Variants in PLXDC1 observed in about 807,000 individuals in gnomAD.
The protein encoded by PLXDC1 is plexin domain-containing protein 1.
In PLXDC1, 39 loss-of-function variants were observed where a neutral mutation model predicts 61.3. The observed-to-expected ratio is 0.64, with a 90% CI of 0.49 to 0.83. The LOEUF (loss-of-function observed/expected upper bound fraction) is 0.83, where lower values mean the gene tolerates loss of function less well. PLXDC1 is among the 40% of genes least tolerant of loss of function. The pLI, the probability that PLXDC1 is intolerant of heterozygous loss-of-function variation, is 0.00. For missense variants in PLXDC1, 596 were observed against 666.5 expected (o/e 0.89, Z 1.17); for synonymous variants, 212 against 254.5 (o/e 0.83, Z 1.59).
intron 7 of PLXDC1, among the ~76,000 whole-genome samples, chr17:39,093,095 G>A (rs1472290930): frequency 6.6e-6 from 1 of 152,192 alleles, no homozygotes; most frequent in Admixed American, 6.5e-5. Context: ...TCGAGACAGG[G>A]TCTCACTCTG....
At chr17:39,076,508 CAAAAAAAA>C (rs34943653) in intron 11 of PLXDC1, among the ~76,000 whole-genome samples, 1 of 85,088 alleles carries the variant, frequency 1.2e-5, no homozygotes, top group Non-Finnish European at 2.6e-5. Context: ...GACCCTGTCT[CAAAAAAAA>C]AAAAAAAAAT....
intron 2 of PLXDC1, among the ~76,000 whole-genome samples, chr17:39,115,624 A>G (rs950855570): frequency 6.6e-6 from 1 of 152,140 alleles, no homozygotes; most frequent in Non-Finnish European, 1.5e-5. Flanking sequence ...TTGCAGGGGG[A>G]TCACTCCTGG....
chr17:39,109,371 A>G lies in PLXDC1; in HGVS notation c.276T>C (p.Tyr92=), dbSNP rs1226409984. 1 of 1,599,648 alleles carries G rather than the reference A, an allele frequency of 6.3e-7. No individual in the cohort carries two copies. Among genetic ancestry groups the G allele is most frequent in the Non-Finnish European group, 8.5e-7 (1 of 1,174,062 alleles). ...CGCTGGGGCCATAGAGACGGGACAC[A>G]TAATAGCTGTGGTTGTCCTCCTGCC... ...TRVVEDNHSY[Y]VSRLYGPSEP... is the part of the protein sequence containing the mutation. The change falls in exon 3 of 14, where the codon TAT becomes TAC. Residue 92 remains tyrosine, a synonymous_variant. Transcript: ENST00000315392.
At chr17:39,089,085 G>C (rs920688702) in intron 7 of PLXDC1, among the ~76,000 whole-genome samples, 8 of 152,100 alleles carry the variant, frequency 5.3e-5, no homozygotes, top group African/African-American at 1.9e-4. Context: ...ATTGAGCTTT[G>C]AGAATGAGTT....
intron 2 of PLXDC1, chr17:39,131,897 T>C (rs1371005094): frequency 6.5e-6 from 1 of 152,674 alleles, no homozygotes; most frequent in East Asian, 1.9e-4. Flanking sequence ...GCTGCCTCCT[T>C]TGGAAGGTTG....
In PLXDC1 at chr17:39,063,353, A is replaced by C; in HGVS notation, c.*4487T>G. On this transcript the variant is annotated 3_prime_UTR_variant, in exon 14 of 14. Coordinates refer to ENST00000315392, the MANE Select transcript of PLXDC1 (RefSeq NM_020405.5). ...ATTGTATGTCCTCAGACAGTAGATA[A>C]AAATGCATGGGGTTTACTTCCAGGG... 1 of 646,684 alleles carries C rather than the reference A, an allele frequency of 1.5e-6. No individual in the cohort carries two copies. Among genetic ancestry groups the C allele is most frequent in the South Asian group, 1.7e-5 (1 of 57,560 alleles). 40.1% of individuals were successfully genotyped at this position (646,684 alleles called of 1,614,324 possible).
At position 39,097,669 on chromosome 17, in the gene PLXDC1, C is replaced by A. The variant is rs569637377; in HGVS notation, c.811+8185G>T. Among the ~76,000 whole-genome samples the A allele has an allele frequency of 6.7e-4, 101 of 151,114 alleles. 2 individuals are homozygous for A. In the South Asian group the frequency reaches 0.01, roughly 15 times the overall value. ...GGCCAAAGCCAGAGCATGGCTTGAGCGTAAGAATTCAATACCACCCTATTT... is the reference window on the plus strand; with the variant it reads ...GGCCAAAGCCAGAGCATGGCTTGAGAGTAAGAATTCAATACCACCCTATTT... On this transcript the variant is annotated intron_variant, in intron 7 of 13. Transcript: ENST00000315392.
chr17:39,104,336 G>A (rs1370880580), intron 7 of PLXDC1, among the ~76,000 whole-genome samples: 2 of 152,126 alleles, frequency 1.3e-5, no homozygotes, highest in Middle Eastern at 3.2e-3. Flanking sequence ...CAGGCTTCCA[G>A]TTCCAGAGCT....
Position 39,128,067 on chromosome 17 carries a change from GTCTCTCTCTC to G in PLXDC1, c.255+11577_255+11586del, listed in dbSNP as rs376740692. Among the ~76,000 whole-genome samples the G allele has an allele frequency of 1.2e-3, 92 of 78,536 alleles. 3 individuals carry two copies. Among genetic ancestry groups the G allele is most frequent in the African/African-American group, 4.2e-3 (78 of 18,442 alleles). 51.5% of individuals were successfully genotyped at this position (78,536 alleles called of 152,430 possible). ...CAGCTCTCTCTCTCTCTCTCTCTCT[GTCTCTCTCTC>G]TCTCTCTCTCTCTCTATGTGTATAT... On this transcript the variant is annotated intron_variant, in intron 2 of 13. Coordinates refer to ENST00000315392, the MANE Select transcript of PLXDC1 (RefSeq NM_020405.5).
At chr17:39,140,597 G>A (rs1175139654) in intron 1 of PLXDC1, among the ~76,000 whole-genome samples, 3 of 152,228 alleles carry the variant, frequency 2.0e-5, no homozygotes, top group Non-Finnish European at 4.4e-5. Context: ...GAGCCACCGC[G>A]CCTAGCCTCG....
rs1262053211 is a variant in PLXDC1, at chr17:39,063,688, T to C, written c.*4152A>G. The C allele has an allele frequency of 5.5e-6, 3 of 546,748 alleles. No homozygotes were observed. The highest frequency in any genetic ancestry group is 3.8e-5 in the African/African-American group (2 of 52,582). The allele number at this position is 546,748 out of a possible 1,614,324, so 33.9% of individuals were successfully genotyped here. A position where few individuals can be genotyped will look rare whatever the true frequency, so the allele number is the denominator to read the frequency against. ...AGTTTACACTAAACACATGAATACATTGTGTTTTAGAAGGCTGGGTGCCCT... is the reference window on the plus strand; with the variant it reads ...AGTTTACACTAAACACATGAATACACTGTGTTTTAGAAGGCTGGGTGCCCT... On this transcript the variant is annotated 3_prime_UTR_variant, in exon 14 of 14. Coordinates refer to ENST00000315392, the MANE Select transcript of PLXDC1 (RefSeq NM_020405.5).
chr17:39,109,776 T>G (rs1385386511), intron 2 of PLXDC1, among the ~76,000 whole-genome samples: 1 of 152,106 alleles, frequency 6.6e-6, no homozygotes, highest in Non-Finnish European at 1.5e-5. Context: ...AACCGGGCCC[T>G]TGTTTTCAGG....
intron 1 of PLXDC1, among the ~76,000 whole-genome samples, chr17:39,149,637 C>T (rs1358750934): frequency 1.3e-5 from 2 of 152,200 alleles, no homozygotes; most frequent in Non-Finnish European, 2.9e-5. Context: ...CAAGTCTCTG[C>T]CTGCCCCACT....
chr17:39,105,956 G>A lies in PLXDC1; in HGVS notation c.712-3C>T, dbSNP rs1910577320. On this transcript the variant is annotated splice_polypyrimidine_tract_variant and splice_region_variant and intron_variant, in intron 6 of 13. Coordinates refer to ENST00000315392, the MANE Select transcript of PLXDC1 (RefSeq NM_020405.5). ...ATTTCCGGGACAGACATAGGGATCT[G>A]CGGCAGGGAGAAGAGACTCCGTCCA... 3 of 1,609,442 alleles carry A rather than the reference G, an allele frequency of 1.9e-6. No individual in the cohort carries two copies. The African/African-American group carries it at 4.0e-5, about 21-fold the overall frequency.
At chr17:39,087,574 T>C in intron 8 of PLXDC1, 33 bp downstream of exon 8, 1 of 1,521,162 alleles carries the variant, frequency 6.6e-7, no homozygotes, top group Non-Finnish European at 9.1e-7. Flanking sequence ...ACTCCAGAGC[T>C]CTTTCTGGGA....
chr17:39,107,405 A>T lies in PLXDC1; in HGVS notation c.711+2T>A, dbSNP rs752955609. ...GCTGTCTCTGCAGCTGGGCCCACTC[A>T]CCTCTTTATAGGCAAAGACAATGCG... On this transcript the variant is annotated splice_donor_variant, in intron 6 of 13. Transcript: ENST00000315392. LOFTEE classifies it high-confidence loss of function. 3.2e-6 allele frequency: 5 copies of T among 1,573,042 alleles called. No individual in the cohort carries two copies. In the African/African-American group the frequency reaches 6.8e-5, roughly 21 times the overall value.
chr17:39,135,669 C>T (rs1453654955), intron 2 of PLXDC1, among the ~76,000 whole-genome samples: 1 of 146,666 alleles, frequency 6.8e-6, no homozygotes, highest in Non-Finnish European at 1.5e-5. Context: ...CTGAGCAACA[C>T]TCCGTCTAAA....
chr17:39,127,232 AG>A (rs1911337175), intron 2 of PLXDC1, among the ~76,000 whole-genome samples: 1 of 152,184 alleles, frequency 6.6e-6, no homozygotes, highest in African/African-American at 2.4e-5. Flanking sequence ...AGGCCCAGCA[AG>A]GATACGCACG....
chr17:39,069,604 A>T (rs1909032002), intron 13 of PLXDC1, among the ~76,000 whole-genome samples: 1 of 152,056 alleles, frequency 6.6e-6, no homozygotes, highest in South Asian at 2.1e-4. Context: ...TTCTGATTTC[A>T]CAAATGGGGG....
Sources: allele counts gnomAD v4.1 joint callset (sites outside exome capture counted in the v4.1 genomes callset), GRCh38; gene constraint gnomAD v4.1.1; transcripts MANE v1.5; gene names NCBI Gene and HGNC (gene_info 2026-07-23, HGNC 2026-07-21).